Variants in TCEA1 observed in about 807,000 individuals in gnomAD.
TCEA1 encodes transcription elongation factor A1.
In TCEA1, 21 loss-of-function variants were observed where a neutral mutation model predicts 43.8. That is an observed-to-expected ratio of 0.48 (90% CI 0.34 to 0.69). The LOEUF is 0.69. TCEA1 is among the 30% of genes least tolerant of loss of function. TCEA1 has a pLI of 0.01. For synonymous variants in TCEA1, 104 were observed against 117.5 expected, an observed-to-expected ratio of 0.88 and a Z score of 0.75; for missense variants, 250 against 365.1, an observed-to-expected ratio of 0.68 and a Z score of 2.57.
chr8:53,992,769 CT>C (rs1239832466), intron 4 of TCEA1, among the ~76,000 whole-genome samples: 2 of 152,130 alleles, frequency 1.3e-5, no homozygotes, highest in African/African-American at 4.8e-5. Context: ...GACTGTTAAC[CT>C]ACCAGCTTCC....
At chr8:54,000,815 G>C (rs368918411) in intron 2 of TCEA1, among the ~76,000 whole-genome samples, 53 of 149,640 alleles carry the variant, frequency 3.5e-4, no homozygotes, top group African/African-American at 1.2e-3. Context: ...CTGGAGTGCA[G>C]TGGGGCACGA....
chr8:53,987,019 T>C lies in TCEA1; in HGVS notation c.473A>G (p.Tyr158Cys), dbSNP rs544980860. 5.6e-6 allele frequency: 9 copies of C among 1,598,414 alleles called. No homozygotes were observed. The African/African-American group carries it at 8.0e-5, about 14-fold the overall frequency. The change falls in exon 6 of 10, where the codon TAC becomes TGC. Residue 158 changes from tyrosine (Y) to cysteine (C), a missense_variant. Around this residue, in one of 4 missense-constraint regions of TCEA1, gnomAD observed 147 missense variants for 160.3 expected, o/e 0.92. Transcript: ENST00000521604. ...TTCCTCATCAGCTCCAATTGCAATG[T>C]AGTCATCTAAAAATAGGCATAAAGA... is the stretch of plus-strand genomic sequence containing the variant. The part of the protein sequence containing the change: ...LAAALRTGDD[Y>C]IAIGADEEEL...
At chr8:53,981,706 TAAC>T (rs572948752) in intron 7 of TCEA1, among the ~76,000 whole-genome samples, 5 of 152,022 alleles carry the variant, frequency 3.3e-5, no homozygotes, top group East Asian at 3.9e-4. Flanking sequence ...TCATGCCTGC[TAAC>T]AACAACATTG....
rs138467136 is a variant in TCEA1 at position 53,992,732 on chromosome 8, C to T, written c.320+936G>A. Among the ~76,000 whole-genome samples, 451 of 152,302 alleles carry T rather than the reference C, an allele frequency of 3.0e-3. 4 individuals are homozygous for T. Among genetic ancestry groups the T allele is most frequent in the African/African-American group, 0.01 (417 of 41,568 alleles). On this transcript the variant is annotated intron_variant, in intron 4 of 9. Coordinates refer to ENST00000521604, the MANE Select transcript of TCEA1 (RefSeq NM_006756.4). The stretch of plus-strand genomic sequence containing the variant: ...TCTCCTCTTCCAGGGACCACACTTT[C>T]AAGAACCATTGCTTTAAATCAATGT...
chr8:54,022,002 C>G, intron 1 of TCEA1, 61 bp downstream of exon 1: 1 of 1,439,336 alleles, frequency 6.9e-7, no homozygotes, highest in South Asian at 1.4e-5. Flanking sequence ...GAGGGGGCGG[C>G]CCCCTCGGGC....
chr8:53,987,228 C>G (rs10093311), intron 5 of TCEA1, among the ~76,000 whole-genome samples: 24,396 of 152,186 alleles, frequency 0.16, 5,523 homozygotes, highest in African/African-American at 0.51. Context: ...CACAGTGCTC[C>G]TGCACTGATG....
chr8:53,973,108 T>G, intron 8 of TCEA1: 1 of 637,194 alleles, frequency 1.6e-6, no homozygotes. Flanking sequence ...GAAGAGGAGA[T>G]AGAAGAGGAG....
At chr8:53,978,832 T>C (rs1359103829) in intron 8 of TCEA1, 193 bp downstream of exon 8, 2 of 513,258 alleles carry the variant, frequency 3.9e-6, no homozygotes, top group African/African-American at 1.9e-5. Flanking sequence ...AGTACATATG[T>C]ATCGGAAAAA....
chr8:53,997,919 T>C (rs1586018158), intron 3 of TCEA1, among the ~76,000 whole-genome samples: 1 of 152,224 alleles, frequency 6.6e-6, no homozygotes, highest in South Asian at 2.1e-4. Flanking sequence ...GGAATAAACC[T>C]GCTTCAAGGA....
intron 1 of TCEA1, among the ~76,000 whole-genome samples, chr8:54,016,333 T>C (rs917110335): frequency 2.6e-5 from 4 of 152,048 alleles, no homozygotes; most frequent in African/African-American, 9.7e-5. Flanking sequence ...TAGCCGGGCA[T>C]GGTGCTGGGT....
At chr8:53,993,617 G>C in intron 4 of TCEA1, 51 bp downstream of exon 4, 1 of 1,442,672 alleles carries the variant, frequency 6.9e-7, no homozygotes, top group Non-Finnish European at 9.6e-7. Flanking sequence ...ATTGATGCAG[G>C]AAGTAAAACT....
At chr8:53,991,692 C>T (rs966443990) in intron 4 of TCEA1, among the ~76,000 whole-genome samples, 22 of 151,146 alleles carry the variant, frequency 1.5e-4, no homozygotes, top group African/African-American at 5.4e-4. Flanking sequence ...GAAACTCTGT[C>T]TCAAAAAATA....
chr8:53,973,270 G>C (rs540176103), intron 8 of TCEA1: 2 of 492,018 alleles, frequency 4.1e-6, no homozygotes, highest in Non-Finnish European at 7.6e-6. Context: ...AAATGGAAAC[G>C]AAGTGGGTTC....
At chr8:53,999,619 C>G (rs1380793587) in intron 3 of TCEA1, 1 of 271,704 alleles carries the variant, frequency 3.7e-6, no homozygotes, top group African/African-American at 2.2e-5. Flanking sequence ...TTTTAATCAT[C>G]CTTGCAAGTT....
intron 6 of TCEA1, 94 bp downstream of exon 6, chr8:53,986,858 CCTAATTCATTGGAAGGA>C: frequency 1.3e-6 from 1 of 753,484 alleles, no homozygotes; most frequent in South Asian, 1.9e-5. Context: ...GATGAGAGCA[CCTAATTCATTGGAAGGA>C]CTACTGCATG....
chr8:53,993,409 A>C (rs1318110327), intron 4 of TCEA1: 2 of 279,624 alleles, frequency 7.2e-6, no homozygotes, highest in African/African-American at 4.4e-5. Flanking sequence ...ATCAGTGCCT[A>C]CCCCAGCAAT....
chr8:53,981,927 C>CTTTCTTT (rs1471246232), intron 7 of TCEA1, among the ~76,000 whole-genome samples: 1 of 128,166 alleles, frequency 7.8e-6, no homozygotes, highest in African/African-American at 2.8e-5. Flanking sequence ...GCTAAGTTTT[C>CTTTCTTT]TTTTTTTTTT....
intron 1 of TCEA1, among the ~76,000 whole-genome samples, chr8:54,016,833 G>A (rs1804843145): frequency 1.3e-5 from 2 of 151,878 alleles, no homozygotes; most frequent in Non-Finnish European, 2.9e-5. Flanking sequence ...AATTAGCCGG[G>A]TGTGGTGGTG....
At chr8:53,988,814 C>T (rs906478072) in intron 4 of TCEA1, among the ~76,000 whole-genome samples, 1 of 152,168 alleles carries the variant, frequency 6.6e-6, no homozygotes, top group Non-Finnish European at 1.5e-5. Context: ...CAGCTGTAAT[C>T]CCAGCACTTT....
Sources: gnomAD v4.1 joint callset for allele counts (sites outside exome capture counted in the v4.1 genomes callset) on GRCh38, gnomAD v4.1.1 for gene constraint, gnomAD v4.1.1 regional missense constraint, MANE v1.5 for transcripts, NCBI Gene and HGNC (gene_info 2026-07-23, HGNC 2026-07-21) for gene names.